Variants in SERPINB7 observed in about 807,000 individuals in gnomAD.
SERPINB7 encodes the protein serpin B7.
SERPINB7 carries 31 observed loss-of-function variants against 37.4 expected under a neutral mutation model. The observed-to-expected ratio is 0.83, with a 90% CI of 0.62 to 1.12. The LOEUF (loss-of-function observed/expected upper bound fraction) is 1.12, where lower values mean the gene tolerates loss of function less well. Ranked by LOEUF, SERPINB7 falls within the 50% of genes most tolerant of loss-of-function variation. The pLI, the probability that SERPINB7 is intolerant of heterozygous loss-of-function variation, is 0.00. For missense variants in SERPINB7, 521 were observed against 455.3 expected (o/e 1.14, Z -1.31); for synonymous variants, 163 against 166.1 (o/e 0.98, Z 0.14).
chr18:63,775,048 A>G (rs899862005), upstream of SERPINB7, among the ~76,000 whole-genome samples: 1 of 152,150 alleles, frequency 6.6e-6, no homozygotes, highest in Non-Finnish European at 1.5e-5. Flanking sequence ...GCAAGTTGCA[A>G]TAAAATGGCA....
rs753371743 is a variant in SERPINB7, at chr18:63,800,892, G to A, written c.624G>A (p.Met208Ile). The A allele has an allele frequency of 3.1e-6, 5 of 1,613,876 alleles. No individual in the cohort carries two copies. Among genetic ancestry groups the A allele is most frequent in the Non-Finnish European group, 4.2e-6 (5 of 1,179,852 alleles). ...GCTCTGGGAAGGCAGTCGCCATGAT[G>A]CATCAGGAACGGAAGTTCAATTTGT... ...PKCSGKAVAM[M>I]HQERKFNLSV... Residue 208 changes from methionine to isoleucine, a missense_variant, in exon 7 of 8, where the codon ATG (methionine) becomes ATA (isoleucine). Met to Ile is a conservative substitution (Grantham distance 10, BLOSUM62 1). Transcript: ENST00000398019.
At chr18:63,798,962 T>C (rs2049518942) in intron 6 of SERPINB7, among the ~76,000 whole-genome samples, 1 of 152,230 alleles carries the variant, frequency 6.6e-6, no homozygotes, top group Non-Finnish European at 1.5e-5. Context: ...TCTTGTAAAT[T>C]GGTATTCTTT....
upstream of SERPINB7, among the ~76,000 whole-genome samples, chr18:63,770,873 G>GCGCACA (rs1555692942): frequency 6.7e-6 from 1 of 148,834 alleles, no homozygotes; most frequent in African/African-American, 2.5e-5. Flanking sequence ...GTCTGCACAT[G>GCGCACA]CACACACACA....
At chr18:63,759,838 A>G (rs956624222) in intron 1 of SERPINB7, among the ~76,000 whole-genome samples, 1 of 152,142 alleles carries the variant, frequency 6.6e-6, no homozygotes, top group African/African-American at 2.4e-5. Flanking sequence ...ACCATGTAAG[A>G]AGTGCTTCTC....
chr18:63,804,709 A>T lies in SERPINB7; in HGVS notation c.*74A>T. 1 of 1,420,784 alleles carries T rather than the reference A, an allele frequency of 7.0e-7. No homozygotes were observed. Among genetic ancestry groups the T allele is most frequent in the Non-Finnish European group, 9.5e-7 (1 of 1,053,932 alleles). The allele number at this position is 1,420,784 out of a possible 1,614,324, so 88.0% of individuals were successfully genotyped here. ...ACCACAAGTCAATAGATTTGAGTTT[A>T]ATTGGAAAAATGTGGTGTTTCCTTT... On this transcript the variant is annotated 3_prime_UTR_variant, in exon 8 of 8. Transcript: ENST00000398019.
rs796340628 is a variant in SERPINB7 at position 63,795,050 on chromosome 18, C to CT, written c.337-1209dup. On this transcript the variant is annotated intron_variant, in intron 4 of 7. Transcript: ENST00000398019. Reference sequence around the variant, plus strand: ...GTGTTGATAAATTAGATCATTATGACTTTTTTTGTATTAAGAACAGCAAGT... The same window carrying CT: ...GTGTTGATAAATTAGATCATTATGACTTTTTTTTGTATTAAGAACAGCAAGT... 1.2e-4 allele frequency among the ~76,000 whole-genome samples: 19 copies of CT among 152,266 alleles called. 1 individual carries two copies. Among genetic ancestry groups the CT allele is most frequent in the African/African-American group, 4.6e-4 (19 of 41,564 alleles).
upstream of SERPINB7, among the ~76,000 whole-genome samples, chr18:63,771,962 T>G (rs2049213948): frequency 6.7e-6 from 1 of 148,704 alleles, no homozygotes; most frequent in African/African-American, 2.5e-5. Context: ...AGCTGCTTCT[T>G]TTTTTTTTTA....
At chr18:63,764,279 T>C (rs569344874) in intron 1 of SERPINB7, among the ~76,000 whole-genome samples, 5 of 152,390 alleles carry the variant, frequency 3.3e-5, no homozygotes, top group African/African-American at 1.2e-4. Context: ...ACCACTCTAC[T>C]GTTCTGTGGG....
chr18:63,769,990 G>C (rs1021421844), intron 1 of SERPINB7, among the ~76,000 whole-genome samples: 2 of 150,248 alleles, frequency 1.3e-5, no homozygotes, highest in African/African-American at 4.9e-5. Flanking sequence ...GAAGGGGAAG[G>C]GCTTTGTTAT....
chr18:63,785,220 T>C lies in SERPINB7; in HGVS notation c.168+2680T>C, dbSNP rs118056045. 2.6e-5 allele frequency among the ~76,000 whole-genome samples: 4 copies of C among 152,356 alleles called. No individual in the cohort carries two copies. The South Asian group carries it at 6.2e-4, about 24-fold the overall frequency. ...ATTTTCAGCTTCTCCCCTGCTTCAG[T>C]TGGTTTCTCATTACTACACTCGACC... On this transcript the variant is annotated intron_variant, in intron 2 of 7. Transcript: ENST00000398019.
intron 1 of SERPINB7, among the ~76,000 whole-genome samples, chr18:63,764,540 C>T (rs1028476922): frequency 6.6e-6 from 1 of 151,996 alleles, no homozygotes; most frequent in Non-Finnish European, 1.5e-5. Context: ...ACAGGTGACT[C>T]GATGTGTTTT....
chr18:63,780,864 C>T (rs991639215), intron 1 of SERPINB7, among the ~76,000 whole-genome samples: 2 of 152,096 alleles, frequency 1.3e-5, no homozygotes, highest in Admixed American at 1.3e-4. Flanking sequence ...AGTATGGGTC[C>T]CTCAGGGACA....
upstream of SERPINB7, among the ~76,000 whole-genome samples, chr18:63,771,673 A>G (rs2049212173): frequency 6.6e-6 from 1 of 152,108 alleles, no homozygotes; most frequent in South Asian, 2.1e-4. Context: ...ATAGTCAGGA[A>G]ACTACTCTGA....
chr18:63,800,983 G>A lies in SERPINB7; in HGVS notation c.715G>A (p.Val239Ile), dbSNP rs374861587. The A allele has an allele frequency of 6.1e-5, 98 of 1,613,784 alleles. No individual in the cohort carries two copies. Among genetic ancestry groups the A allele is most frequent in the East Asian group, 1.1e-4 (5 of 44,868 alleles). ...ATACAATGGTGGCATAAACATGTAC[G>A]TTCTGCTGCCTGAGAATGACCTCTC... ...LRYNGGINMY[V>I]LLPENDLSEI... The change falls in exon 7 of 8, where the codon GTT (valine) becomes ATT (isoleucine). Residue 239 changes from valine to isoleucine, a missense_variant. Val to Ile is a conservative substitution (Grantham distance 29). Transcript: ENST00000398019.
chr18:63,788,240 C>T (rs576868937), intron 2 of SERPINB7, among the ~76,000 whole-genome samples: 7 of 152,204 alleles, frequency 4.6e-5, no homozygotes, highest in Non-Finnish European at 7.4e-5. Context: ...GGTAATGCTC[C>T]GAAGACCTTT....
At chr18:63,794,859 C>A (rs185124771) in intron 4 of SERPINB7, among the ~76,000 whole-genome samples, 49 of 152,314 alleles carry the variant, frequency 3.2e-4, no homozygotes, top group African/African-American at 9.9e-4. Context: ...TCTTATCCTG[C>A]AGATAGACAA....
At chr18:63,796,986 A>G (rs1262741427) in intron 5 of SERPINB7, among the ~76,000 whole-genome samples, 1 of 152,230 alleles carries the variant, frequency 6.6e-6, no homozygotes, top group African/African-American at 2.4e-5. Context: ...ATTTACCAAA[A>G]TAATTTATGT....
At chr18:63,773,855 G>T (rs2049225852), upstream of SERPINB7, among the ~76,000 whole-genome samples, 1 of 152,162 alleles carries the variant, frequency 6.6e-6, no homozygotes, top group Admixed American at 6.5e-5. Flanking sequence ...ATGTGAAGAA[G>T]AAAACAATGG....
intron 2 of SERPINB7, among the ~76,000 whole-genome samples, chr18:63,787,940 C>T (rs1056240621): frequency 3.3e-5 from 5 of 152,152 alleles, no homozygotes; most frequent in Admixed American, 2.0e-4. Flanking sequence ...AATATCATAG[C>T]GAAATGCATT....
Sources: gnomAD v4.1 joint callset for allele counts (sites outside exome capture counted in the v4.1 genomes callset) on GRCh38, gnomAD v4.1.1 for gene constraint, MANE v1.5 for transcripts, NCBI Gene and HGNC (gene_info 2026-07-23, HGNC 2026-07-21) for gene names.